The following XKR6 variants were observed in gnomAD, a reference collection of about 807,000 sequenced individuals.
XKR6 encodes XK related 6, also known as XK-related protein 6.
A neutral mutation model predicts 56.7 loss-of-function variants in XKR6; 22 were observed. The observed-to-expected ratio is 0.39, with a 90% CI of 0.28 to 0.55. XKR6 has a LOEUF of 0.55. Ranked by LOEUF, XKR6 falls within the 20% of genes least tolerant of loss-of-function variation. The pLI, the probability that XKR6 is intolerant of heterozygous loss-of-function variation, is 0.66. For missense variants in XKR6, 852 were observed against 889.0 expected (o/e 0.96, Z 0.53); for synonymous variants, 524 against 387.8 (o/e 1.35, Z -4.13).
At chr8:10,952,433 C>A (rs1801754580) in intron 1 of XKR6, among the ~76,000 whole-genome samples, 2 of 152,168 alleles carry the variant, frequency 1.3e-5, no homozygotes, top group African/African-American at 4.8e-5. Context: ...ACTGTTATTT[C>A]CTTGCATTAT....
At chr8:11,113,872 C>T in intron 1 of XKR6, 1 of 229,260 alleles carries the variant, frequency 4.4e-6, no homozygotes. Flanking sequence ...TGTTTAATAC[C>T]TTTGGTTTAC....
At chr8:11,107,880 G>C (rs1252298298) in intron 1 of XKR6, 2 of 193,996 alleles carry the variant, frequency 1.0e-5, no homozygotes, top group African/African-American at 2.4e-5. Flanking sequence ...AAAAGACAGT[G>C]GTATCCTGTC....
intron 1 of XKR6, chr8:11,124,484 C>T (rs1252915865): frequency 1.2e-5 from 2 of 162,336 alleles, no homozygotes; most frequent in African/African-American, 4.8e-5. Context: ...TACATGGGCT[C>T]CATAGAATTA....
At chr8:11,037,007 G>A (rs1400619104) in intron 1 of XKR6, among the ~76,000 whole-genome samples, 4 of 152,198 alleles carry the variant, frequency 2.6e-5, no homozygotes, top group Non-Finnish European at 5.9e-5. Flanking sequence ...AGCTGAAAAC[G>A]TCGGTGCCCT....
intron 1 of XKR6, among the ~76,000 whole-genome samples, chr8:11,184,398 C>T (rs1449384221): frequency 5.5e-5 from 4 of 73,084 alleles, no homozygotes; most frequent in African/African-American, 2.0e-4. Context: ...TACACACACA[C>T]ACACACACAC....
At chr8:11,143,875 A>T (rs1236787488) in intron 1 of XKR6, among the ~76,000 whole-genome samples, 1 of 152,172 alleles carries the variant, frequency 6.6e-6, no homozygotes, top group East Asian at 1.9e-4. Context: ...ACAGTTCTGG[A>T]GGCTGGAAGT....
intron 1 of XKR6, chr8:11,106,439 G>C (rs890081729): frequency 6.6e-6 from 1 of 152,236 alleles, no homozygotes; most frequent in African/African-American, 2.4e-5. Context: ...CTGGCCTCAA[G>C]GGAATATGGT....
At chr8:11,061,791 G>C (rs1799841841) in intron 1 of XKR6, among the ~76,000 whole-genome samples, 2 of 152,164 alleles carry the variant, frequency 1.3e-5, no homozygotes, top group African/African-American at 4.8e-5. Context: ...AGAAGGAAGG[G>C]GGCTGGGCTG....
chr8:11,189,029 C>A lies in XKR6; in HGVS notation c.764+11547G>T, dbSNP rs556254292. Among the ~76,000 whole-genome samples, 21 of 152,312 alleles carry A rather than the reference C, an allele frequency of 1.4e-4. No homozygotes were observed. In the South Asian group the frequency reaches 4.1e-3, roughly 30 times the overall value. ...CCTCATCCCCTCTCCTGGCTGTTCT[C>A]CCCACGAATCTATCAAGCAAAATGT... On this transcript the variant is annotated intron_variant, in intron 1 of 2. Transcript: ENST00000416569.
intron 1 of XKR6, chr8:11,035,246 C>A (rs909790045): frequency 3.7e-6 from 2 of 534,794 alleles, no homozygotes; most frequent in South Asian, 2.8e-5. Flanking sequence ...TGACGTAGCA[C>A]CCCATTTCCA....
chr8:11,143,640 C>A (rs1433018946), intron 1 of XKR6, among the ~76,000 whole-genome samples: 1 of 152,070 alleles, frequency 6.6e-6, no homozygotes, highest in Admixed American at 6.5e-5. Context: ...TGTAAAGAAG[C>A]AACTACTAGG....
intron 1 of XKR6, among the ~76,000 whole-genome samples, chr8:11,008,299 C>T (rs997133595): frequency 2.6e-5 from 4 of 152,142 alleles, no homozygotes; most frequent in African/African-American, 4.8e-5. Flanking sequence ...CCTGAGCACC[C>T]GGACACTGAG....
chr8:10,914,738 G>A (rs777386041), intron 2 of XKR6, among the ~76,000 whole-genome samples: 79 of 111,572 alleles, frequency 7.1e-4, no homozygotes, highest in Non-Finnish European at 1.4e-3. Context: ...GAAAGTGGGG[G>A]AAATCTCACA....
chr8:11,007,947 C>A (rs934084985), intron 1 of XKR6, among the ~76,000 whole-genome samples: 1 of 152,082 alleles, frequency 6.6e-6, no homozygotes, highest in African/African-American at 2.4e-5. Context: ...CAGGGCAGAG[C>A]AGAGCAGAGC....
chr8:11,086,566 T>A (rs913028749), intron 1 of XKR6, among the ~76,000 whole-genome samples: 3 of 152,036 alleles, frequency 2.0e-5, no homozygotes, highest in Non-Finnish European at 4.4e-5. Context: ...GACTGACAAG[T>A]GTAAAATGTC....
chr8:11,021,277 A>G (rs1798744001), intron 1 of XKR6, among the ~76,000 whole-genome samples: 1 of 152,192 alleles, frequency 6.6e-6, no homozygotes, highest in South Asian at 2.1e-4. Flanking sequence ...TCCTACACTC[A>G]TGTGGGTAAA....
chr8:11,187,850 C>T (rs1355402140), intron 1 of XKR6, among the ~76,000 whole-genome samples: 1 of 152,162 alleles, frequency 6.6e-6, no homozygotes, highest in Non-Finnish European at 1.5e-5. Flanking sequence ...ATCTACATAA[C>T]CCAGGATGAA....
intron 1 of XKR6, among the ~76,000 whole-genome samples, chr8:11,110,888 G>C (rs973595347): frequency 1.4e-4 from 22 of 151,776 alleles, no homozygotes; most frequent in East Asian, 5.8e-4. Flanking sequence ...CCAGGCTGGA[G>C]TGCAGTGGTG....
rs1012295425 is a variant in XKR6 at position 10,896,387 on chromosome 8, C to T, written c.*1565G>A. On this transcript the variant is annotated 3_prime_UTR_variant, in exon 3 of 3. Transcript: ENST00000416569. ...GCTGGTGTGAGTCTTGCCACCCAAA[C>T]CAGGGCTCGTGGGCAGGCAGCATCA... 6.6e-6 allele frequency: 1 copy of T among 152,566 alleles called. No individual in the cohort carries two copies. The highest frequency in any genetic ancestry group is 1.5e-5 in the Non-Finnish European group (1 of 68,024). The allele number at this position is 152,566 out of a possible 1,614,324, so 9.5% of individuals were successfully genotyped here. A position where few individuals can be genotyped will look rare whatever the true frequency, so the allele number is the denominator to read the frequency against.
Sources: gnomAD v4.1 joint callset for allele counts (sites outside exome capture counted in the v4.1 genomes callset) on GRCh38, gnomAD v4.1.1 for gene constraint, MANE v1.5 for transcripts, NCBI Gene and HGNC (gene_info 2026-07-23, HGNC 2026-07-21) for gene names.